PRKCE: variants seen among roughly 807,000 people sequenced by gnomAD.
PRKCE encodes the protein protein kinase C epsilon type.
PRKCE carries 16 observed loss-of-function variants against 85.4 expected under a neutral mutation model. The observed-to-expected ratio is 0.19, with a 90% confidence interval of 0.13 to 0.28. The LOEUF is 0.28. PRKCE is among the 10% of genes least tolerant of loss of function. The pLI, the probability that PRKCE is intolerant of heterozygous loss-of-function variation, is 1.00. For missense variants in PRKCE, 573 were observed against 975.2 expected (o/e 0.59, Z 5.49); for synonymous variants, 388 against 371.5 (o/e 1.04, Z -0.51).
At position 46,159,561 on chromosome 2, in the gene PRKCE, G is replaced by T. The variant is rs750286620; in HGVS notation, c.1921-45G>T. On this transcript the variant is annotated intron_variant, in intron 13 of 14. Coordinates refer to ENST00000306156, the MANE Select transcript of PRKCE (RefSeq NM_005400.3). This position sits in a 1 kb window ranked among gnomAD's most constrained non-coding sequence, Gnocchi z 4.1. The stretch of plus-strand genomic sequence containing the variant: ...CATCTGTCCCTTATAGCCTGTGCTG[G>T]CCAGGCCTTTGTCACTAATTCCGAC... 2 of 1,551,270 alleles carry T rather than the reference G, an allele frequency of 1.3e-6. No homozygotes were observed. Among genetic ancestry groups the T allele is most frequent in the African/African-American group, 1.4e-5 (1 of 73,058 alleles).
chr2:45,711,370 C>T (rs1679623043), intron 1 of PRKCE, among the ~76,000 whole-genome samples: 1 of 152,218 alleles, frequency 6.6e-6, no homozygotes, highest in Admixed American at 6.5e-5. Flanking sequence ...TGCCTGGCTG[C>T]AAATCACAGC....
intron 1 of PRKCE, among the ~76,000 whole-genome samples, chr2:45,740,336 G>C (rs1219782551): frequency 6.6e-6 from 1 of 152,136 alleles, no homozygotes; most frequent in African/African-American, 2.4e-5. Context: ...AGAGGGCTTA[G>C]GGCAATATTC....
At chr2:45,806,063 G>T (rs1688219641) in intron 1 of PRKCE, among the ~76,000 whole-genome samples, 1 of 152,208 alleles carries the variant, frequency 6.6e-6, no homozygotes, top group Non-Finnish European at 1.5e-5. Context: ...TGCTGAATGA[G>T]CTCCAGGATT....
At chr2:45,817,255 T>G (rs894746997) in intron 1 of PRKCE, among the ~76,000 whole-genome samples, 1 of 152,184 alleles carries the variant, frequency 6.6e-6, no homozygotes, top group Non-Finnish European at 1.5e-5. Context: ...CTTCACAGTT[T>G]ATCAAGTACC....
At chr2:45,819,897 A>C (rs961177131) in intron 1 of PRKCE, among the ~76,000 whole-genome samples, 1 of 152,214 alleles carries the variant, frequency 6.6e-6, no homozygotes, top group South Asian at 2.1e-4. Flanking sequence ...AATCGCATCA[A>C]GCTGGTTTGG....
At chr2:45,725,762 C>T (rs146025145) in intron 1 of PRKCE, among the ~76,000 whole-genome samples, 21 of 151,140 alleles carry the variant, frequency 1.4e-4, no homozygotes, top group African/African-American at 4.9e-4. Context: ...ACCCGGGAGG[C>T]GGAGGTTGCA....
At chr2:46,071,457 A>C (rs996186279) in intron 10 of PRKCE, among the ~76,000 whole-genome samples, 28 of 152,210 alleles carry the variant, frequency 1.8e-4, no homozygotes, top group African/African-American at 6.8e-4. Context: ...CGATTTTACA[A>C]ATAGGGAAAC....
At chr2:45,733,605 A>G (rs1042028990) in intron 1 of PRKCE, among the ~76,000 whole-genome samples, 1 of 152,016 alleles carries the variant, frequency 6.6e-6, no homozygotes, top group Non-Finnish European at 1.5e-5. Context: ...CCTCGTTGAG[A>G]GGGTGAGGTT....
At chr2:45,848,278 C>T (rs935076278) in intron 2 of PRKCE, among the ~76,000 whole-genome samples, 1 of 151,952 alleles carries the variant, frequency 6.6e-6, no homozygotes, top group Non-Finnish European at 1.5e-5. Flanking sequence ...TAAAAAGAAC[C>T]ATTCATTCAA....
chr2:45,768,206 A>G (rs988283146), intron 1 of PRKCE, among the ~76,000 whole-genome samples: 2 of 146,910 alleles, frequency 1.4e-5, no homozygotes, highest in South Asian at 2.1e-4. Context: ...GACCATTTTC[A>G]TAGCAGAAAG....
chr2:45,652,549 TG>T lies in PRKCE; in HGVS notation c.348+105del, dbSNP rs1675172077. 1.8e-6 allele frequency: 2 copies of T among 1,136,954 alleles called. No individual in the cohort carries two copies. Among genetic ancestry groups the T allele is most frequent in the African/African-American group, 1.6e-5 (1 of 63,694 alleles). The allele number at this position is 1,136,954 out of a possible 1,614,324, so 70.4% of individuals were successfully genotyped here. A position where few individuals can be genotyped will look rare whatever the true frequency, so the allele number is the denominator to read the frequency against. ...TAGGGCTCCGGGACTTATTGACGAC[TG>T]GGGTGTGTGTGCCTGTAAGTCTCAG... On this transcript the variant is annotated intron_variant, in intron 1 of 14. Coordinates refer to ENST00000306156, the MANE Select transcript of PRKCE (RefSeq NM_005400.3). This position sits in a 1 kb window ranked among gnomAD's most constrained non-coding sequence, Gnocchi z 7.7.
At chr2:45,947,624 G>A (rs1200199027) in intron 2 of PRKCE, among the ~76,000 whole-genome samples, 1 of 152,154 alleles carries the variant, frequency 6.6e-6, no homozygotes, top group African/African-American at 2.4e-5. Flanking sequence ...TTGGCAGCTT[G>A]GAGACATCTT....
chr2:45,949,402 G>GTTTTTTTTTTTTTTTTTTTTTTTTTT (rs35033431), intron 2 of PRKCE, among the ~76,000 whole-genome samples: 3 of 118,758 alleles, frequency 2.5e-5, no homozygotes, highest in Admixed American at 9.1e-5. Flanking sequence ...TATTTTGCTT[G>GTTTTTTTTTTTTTTTTTTTTTTTTTT]TTTTTTTTTT....
At chr2:45,884,614 A>T (rs1695108130) in intron 2 of PRKCE, among the ~76,000 whole-genome samples, 1 of 152,216 alleles carries the variant, frequency 6.6e-6, no homozygotes, top group Non-Finnish European at 1.5e-5. Context: ...GGAATTTTGC[A>T]GCTGCAAAAT....
At chr2:45,982,477 C>T (rs889589656) in intron 5 of PRKCE, among the ~76,000 whole-genome samples, 2 of 152,312 alleles carry the variant, frequency 1.3e-5, no homozygotes, top group East Asian at 1.9e-4. Flanking sequence ...TCTTAGCATG[C>T]GGTGGACTCA....
chr2:46,069,160 T>C (rs1667866679), intron 10 of PRKCE, among the ~76,000 whole-genome samples: 2 of 152,224 alleles, frequency 1.3e-5, no homozygotes, highest in Non-Finnish European at 2.9e-5. Context: ...GTGGCATGTC[T>C]TCTAGTGAGC....
Position 46,024,188 on chromosome 2 carries a change from C to T in PRKCE, c.1437+13671C>T, listed in dbSNP as rs542859345. 3.3e-5 allele frequency among the ~76,000 whole-genome samples: 5 copies of T among 152,234 alleles called. No homozygotes were observed. The South Asian group carries it at 6.2e-4, about 19-fold the overall frequency. On this transcript the variant is annotated intron_variant, in intron 10 of 14. Coordinates refer to ENST00000306156, the MANE Select transcript of PRKCE (RefSeq NM_005400.3). ...TATACTGGGGTGACTGAACTACTTA[C>T]GTGAGTTGCCCAGGGCACCCTGGAG...
At chr2:45,803,919 A>T (rs900070416) in intron 1 of PRKCE, among the ~76,000 whole-genome samples, 17 of 152,218 alleles carry the variant, frequency 1.1e-4, no homozygotes, top group African/African-American at 4.1e-4. Context: ...ATGTTGTTTA[A>T]TGGGCAAAGC....
At chr2:46,031,807 A>G (rs1273489742) in intron 10 of PRKCE, among the ~76,000 whole-genome samples, 1 of 152,144 alleles carries the variant, frequency 6.6e-6, no homozygotes, top group African/African-American at 2.4e-5. Flanking sequence ...TCCTCCTCTC[A>G]GCCCATGACT....
Sources: gnomAD v4.1 joint callset for allele counts (sites outside exome capture counted in the v4.1 genomes callset) on GRCh38, gnomAD v4.1.1 for gene constraint, Gnocchi (gnomAD v3.1) non-coding constraint, MANE v1.5 for transcripts, NCBI Gene and HGNC (gene_info 2026-07-23, HGNC 2026-07-21) for gene names.